The following MYO1E variants were observed in gnomAD, a reference collection of about 807,000 sequenced individuals.
MYO1E encodes unconventional myosin-Ie.
A neutral mutation model predicts 151.1 loss-of-function variants in MYO1E; 68 were observed. The ratio of observed to expected loss-of-function variants is 0.45; its 90% confidence interval spans 0.37 to 0.55. The LOEUF (loss-of-function observed/expected upper bound fraction) is 0.55, where lower values mean the gene tolerates loss of function less well. Ranked by LOEUF, MYO1E falls within the 20% of genes least tolerant of loss-of-function variation. The probability of loss-of-function intolerance (pLI) is 0.00; values close to 1 mark genes in which losing one functional copy is unlikely to be tolerated. For synonymous variants in MYO1E, 601 were observed against 501.7 expected (o/e 1.20, Z -2.64); for missense variants, 1,363 against 1,389.3 (o/e 0.98, Z 0.30).
chr15:59,304,577 T>C (rs1316563151), intron 1 of MYO1E, among the ~76,000 whole-genome samples: 2 of 152,242 alleles, frequency 1.3e-5, no homozygotes, highest in Non-Finnish European at 2.9e-5. Flanking sequence ...GCCTTCTTTT[T>C]CCTCATTTCA....
intron 22 of MYO1E, among the ~76,000 whole-genome samples, chr15:59,171,482 C>A (rs1435098154): frequency 6.6e-6 from 1 of 152,222 alleles, no homozygotes; most frequent in East Asian, 1.9e-4. Context: ...CCCAAAGAAA[C>A]TTCCCTTTCA....
intron 1 of MYO1E, among the ~76,000 whole-genome samples, chr15:59,336,874 G>A (rs1029167305): frequency 6.6e-6 from 1 of 151,848 alleles, no homozygotes; most frequent in African/African-American, 2.4e-5. Flanking sequence ...CTGGTTTGCT[G>A]AGAATGACGG....
chr15:59,196,593 CT>C, intron 16 of MYO1E, among the ~76,000 whole-genome samples: 1 of 152,220 alleles, frequency 6.6e-6, no homozygotes, highest in Non-Finnish European at 1.5e-5. Context: ...TCAATTAGGA[CT>C]TTTCTGTTTT....
chr15:59,246,651 G>A (rs1430770619), intron 4 of MYO1E, among the ~76,000 whole-genome samples: 1 of 152,104 alleles, frequency 6.6e-6, no homozygotes, highest in Non-Finnish European at 1.5e-5. Context: ...CCAGGTGTCA[G>A]TGCTATCATG....
intron 10 of MYO1E, among the ~76,000 whole-genome samples, chr15:59,216,331 A>C (rs1357497477): frequency 6.6e-6 from 1 of 152,014 alleles, no homozygotes; most frequent in Non-Finnish European, 1.5e-5. Flanking sequence ...AGCAGAGATA[A>C]TAATACCTAA....
intron 18 of MYO1E, among the ~76,000 whole-genome samples, chr15:59,183,348 GT>G (rs34330073): frequency 0.78 from 114,757 of 146,438 alleles, 45,165 homozygotes; most frequent in East Asian, 0.9. Context: ...GTTTGATCAG[GT>G]TTTTTTTTTT....
chr15:59,223,583 T>C (rs1416652622), intron 8 of MYO1E, among the ~76,000 whole-genome samples: 1 of 152,224 alleles, frequency 6.6e-6, no homozygotes, highest in Non-Finnish European at 1.5e-5. Context: ...CATCCTTTGA[T>C]GTGTTCTTGT....
chr15:59,244,458 C>A (rs1403278220), intron 4 of MYO1E, among the ~76,000 whole-genome samples: 1 of 152,138 alleles, frequency 6.6e-6, no homozygotes, highest in African/African-American at 2.4e-5. Context: ...GGTATAAATT[C>A]CCAATTTATA....
chr15:59,363,438 C>CG (rs2080896878), intron 1 of MYO1E, among the ~76,000 whole-genome samples: 1 of 152,180 alleles, frequency 6.6e-6, no homozygotes, highest in Non-Finnish European at 1.5e-5. Context: ...TGAATAAAAT[C>CG]AACCAAAATT....
At chr15:59,275,254 A>G (rs1242354881) in intron 1 of MYO1E, among the ~76,000 whole-genome samples, 2 of 152,242 alleles carry the variant, frequency 1.3e-5, no homozygotes, top group Non-Finnish European at 2.9e-5. Flanking sequence ...AACCAAATGT[A>G]TCATTAAAAA....
chr15:59,217,909 G>C lies in MYO1E; in HGVS notation c.1089C>G (p.Val363=), dbSNP rs759118789. The C allele has an allele frequency of 6.2e-7, 1 of 1,614,122 alleles. No individual in the cohort carries two copies. Among genetic ancestry groups the C allele is most frequent in the Non-Finnish European group, 8.5e-7 (1 of 1,179,988 alleles). Reference sequence around the variant, plus strand: ...TACTTACATCTACCAAGAAATCAAAGACCCGGGCGTGCAGGGCCTTGGCGA... The same window carrying C: ...TACTTACATCTACCAAGAAATCAAACACCCGGGCGTGCAGGGCCTTGGCGA... ...DALAKALHAR[V]FDFLVDSINK... The change falls in exon 10 of 28, where the codon GTC becomes GTG. Residue 363 remains valine (V), a synonymous_variant. Transcript: ENST00000288235.
chr15:59,262,229 T>A (rs767985263), intron 2 of MYO1E, among the ~76,000 whole-genome samples: 4 of 149,022 alleles, frequency 2.7e-5, no homozygotes, highest in South Asian at 2.1e-4. Context: ...TAAAAAAAAA[T>A]ATTCATCTAC....
At chr15:59,362,737 A>G (rs1320879042) in intron 1 of MYO1E, among the ~76,000 whole-genome samples, 57 of 152,350 alleles carry the variant, frequency 3.7e-4, no homozygotes, top group Non-Finnish European at 5.9e-5. Flanking sequence ...TTAGAATCAG[A>G]TAATACTGTC....
chr15:59,343,292 G>A (rs1363491115), intron 1 of MYO1E, among the ~76,000 whole-genome samples: 1 of 151,318 alleles, frequency 6.6e-6, no homozygotes. Flanking sequence ...ATTCTAGAGT[G>A]AACTCTTTTT....
chr15:59,152,057 A>T (rs1348771339), intron 26 of MYO1E, among the ~76,000 whole-genome samples: 2 of 149,686 alleles, frequency 1.3e-5, no homozygotes, highest in Non-Finnish European at 3.0e-5. Context: ...ACCGAGTGAG[A>T]CTCCGTCTAA....
In MYO1E at chr15:59,358,888, G is replaced by T. The variant is rs547521206; in HGVS notation, c.3+13610C>A. The stretch of plus-strand genomic sequence containing the variant: ...TGTGGGTTAAGAGACTTGTATTCTA[G>T]GGACAACTCTGCTATTAACTTGCCA... On this transcript the variant is annotated intron_variant, in intron 1 of 27. Transcript: ENST00000288235. Among the ~76,000 whole-genome samples the T allele has an allele frequency of 3.3e-5, 5 of 152,236 alleles. No individual in the cohort carries two copies. In the South Asian group the frequency reaches 1.0e-3, roughly 32 times the overall value.
At position 59,174,136 on chromosome 15, in the gene MYO1E, C is replaced by A; in HGVS notation, c.2154G>T (p.Met718Ile). The A allele has an allele frequency of 6.2e-7, 1 of 1,612,508 alleles. No homozygotes were observed. The highest frequency in any genetic ancestry group is 8.5e-7 in the Non-Finnish European group (1 of 1,178,572). ...AAATTGCTAAAATACCTTCTTCTCT[C>A]ATTTGAACGTATTTCTTCCGGGCCA... is the stretch of plus-strand genomic sequence containing the variant. ...KFVARKKYVQMREEASDLLLN... is the reference protein window; with the variant it reads ...KFVARKKYVQIREEASDLLLN... Residue 718 changes from methionine (M) to isoleucine (I), a missense_variant, in exon 20 of 28, where the codon ATG becomes ATT. Met to Ile is a conservative substitution (Grantham distance 10). Coordinates refer to ENST00000288235, the MANE Select transcript of MYO1E (RefSeq NM_004998.4).
rs768879542 is a variant in MYO1E, at chr15:59,195,456, G to C, written c.1805+5C>G. On this transcript the variant is annotated splice_donor_5th_base_variant and intron_variant, in intron 17 of 27. Coordinates refer to ENST00000288235, the MANE Select transcript of MYO1E (RefSeq NM_004998.4). The stretch of plus-strand genomic sequence containing the variant: ...GGCCCCACCTAAGCCGGTTTCCCCC[G>C]ATACCTGCTTTCCTCCCAGTCTCTG... 2 of 1,610,500 alleles carry C rather than the reference G, an allele frequency of 1.2e-6. No individual in the cohort carries two copies. Among genetic ancestry groups the C allele is most frequent in the Non-Finnish European group, 1.7e-6 (2 of 1,176,670 alleles).
chr15:59,326,468 A>G (rs564801008), intron 1 of MYO1E, among the ~76,000 whole-genome samples: 1 of 152,304 alleles, frequency 6.6e-6, no homozygotes, highest in East Asian at 1.9e-4. Flanking sequence ...GGCTGCAGTG[A>G]GCCGAGACTG....
Sources: gnomAD v4.1 joint callset for allele counts (sites outside exome capture counted in the v4.1 genomes callset) on GRCh38, gnomAD v4.1.1 for gene constraint, MANE v1.5 for transcripts, NCBI Gene and HGNC (gene_info 2026-07-23, HGNC 2026-07-21) for gene names.